Variants in KLF9 observed in about 807,000 individuals in gnomAD.
KLF9 encodes KLF transcription factor 9.
Under a neutral mutation model 17.3 loss-of-function variants are expected in KLF9, and 2 were observed. The observed-to-expected ratio is 0.12, with a 90% confidence interval of 0.05 to 0.36. The LOEUF (loss-of-function observed/expected upper bound fraction) is 0.36, where lower values mean the gene tolerates loss of function less well. Among genes scored for constraint, KLF9 ranks in the 10% least tolerant of loss-of-function variants. The pLI is 1.00. For synonymous variants in KLF9, 138 were observed against 139.2 expected, an observed-to-expected ratio of 0.99 and a Z score of 0.06; for missense variants, 226 against 333.2, an observed-to-expected ratio of 0.68 and a Z score of 2.51.
chr9:70,411,328 C>T (rs1284129944), intron 1 of KLF9, among the ~76,000 whole-genome samples: 1 of 152,178 alleles, frequency 6.6e-6, no homozygotes, highest in African/African-American at 2.4e-5. Context: ...CTGACACAGC[C>T]AGGCCCGCCC....
chr9:70,404,217 T>C (rs1242251147), intron 1 of KLF9, among the ~76,000 whole-genome samples: 1 of 152,226 alleles, frequency 6.6e-6, no homozygotes, highest in South Asian at 2.1e-4. Flanking sequence ...AAATTGTCAT[T>C]ATTATCACTA....
intron 1 of KLF9, among the ~76,000 whole-genome samples, chr9:70,407,429 C>T (rs762620061): frequency 1.3e-5 from 2 of 152,204 alleles, no homozygotes; most frequent in Non-Finnish European, 2.9e-5. Flanking sequence ...ACTTATACCC[C>T]TCCCCTCTCT....
At chr9:70,408,371 A>G (rs1005366793) in intron 1 of KLF9, among the ~76,000 whole-genome samples, 7 of 152,202 alleles carry the variant, frequency 4.6e-5, no homozygotes, top group South Asian at 4.1e-4. Flanking sequence ...TTGTACATCT[A>G]TGTTGGATGA....
In KLF9 at chr9:70,409,014, A is replaced by G. The variant is rs2037277088; in HGVS notation, c.505+3845T>C. On this transcript the variant is annotated intron_variant, in intron 1 of 1. Transcript: ENST00000377126. ...TATATATATGTGTATATATATATAC[A>G]CATATATGTATATATATATATGTGT... is the stretch of plus-strand genomic sequence containing the variant. Among the ~76,000 whole-genome samples, 2 of 33,666 alleles carry G rather than the reference A, an allele frequency of 5.9e-5. 1 individual carries two copies. The highest frequency in any genetic ancestry group is 1.3e-4 in the Non-Finnish European group (2 of 15,266). 22.1% of individuals were successfully genotyped at this position (33,666 alleles called of 152,430 possible).
At position 70,386,963 on chromosome 9, in the gene KLF9, C is replaced by T. The variant is rs2037114217; in HGVS notation, c.*813G>A. The T allele has an allele frequency of 2.0e-5, 3 of 152,600 alleles. No homozygotes were observed. The highest frequency in any genetic ancestry group is 4.8e-5 in the African/African-American group (2 of 41,450). The allele number at this position is 152,600 out of a possible 1,614,324, so 9.5% of individuals were successfully genotyped here. A position where few individuals can be genotyped will look rare whatever the true frequency, so the allele number is the denominator to read the frequency against. On this transcript the variant is annotated 3_prime_UTR_variant, in exon 2 of 2. Transcript: ENST00000377126. ...AAAGCATGTATTTAACTTATTCATC[C>T]TCTGCATTAGAAAATAAAAGTGCAG...
At chr9:70,389,504 G>T (rs763333689) in intron 1 of KLF9, among the ~76,000 whole-genome samples, 4 of 152,134 alleles carry the variant, frequency 2.6e-5, no homozygotes, top group Non-Finnish European at 5.9e-5. Flanking sequence ...GACTCCTGGG[G>T]GTCCTGGGGA....
At chr9:70,410,801 C>T (rs1036032192) in intron 1 of KLF9, among the ~76,000 whole-genome samples, 1 of 152,116 alleles carries the variant, frequency 6.6e-6, no homozygotes. Flanking sequence ...TGCATGAGAC[C>T]TCCAAGTCTC....
At chr9:70,405,625 C>T (rs1354951069) in intron 1 of KLF9, among the ~76,000 whole-genome samples, 1 of 152,168 alleles carries the variant, frequency 6.6e-6, no homozygotes, top group African/African-American at 2.4e-5. Context: ...TTCTTCAATT[C>T]TCATCTCAGG....
At chr9:70,405,124 C>T (rs1254730169) in intron 1 of KLF9, among the ~76,000 whole-genome samples, 2 of 152,182 alleles carry the variant, frequency 1.3e-5, no homozygotes, top group Non-Finnish European at 2.9e-5. Context: ...TTTCTTTGGG[C>T]CAAGATGATC....
At chr9:70,409,092 G>GTC in intron 1 of KLF9, among the ~76,000 whole-genome samples, 1 of 86,032 alleles carries the variant, frequency 1.2e-5, no homozygotes, top group Non-Finnish European at 2.6e-5. Context: ...ACACATATAT[G>GTC]TATATATATG....
intron 1 of KLF9, among the ~76,000 whole-genome samples, chr9:70,398,362 T>C (rs1302633534): frequency 6.6e-6 from 1 of 152,222 alleles, no homozygotes; most frequent in African/African-American, 2.4e-5. Flanking sequence ...CACTTCCTCA[T>C]TTAAGCATGT....
At chr9:70,389,073 G>A (rs1238725676) in intron 1 of KLF9, among the ~76,000 whole-genome samples, 3 of 151,876 alleles carry the variant, frequency 2.0e-5, no homozygotes, top group Non-Finnish European at 2.9e-5. Flanking sequence ...CCCAGGAAGC[G>A]AAGGTTGCAG....
In KLF9 at chr9:70,386,839, T is replaced by A. The variant is rs193270669; in HGVS notation, c.*937A>T. The stretch of plus-strand genomic sequence containing the variant: ...CCTTCAGCATCTGTTGTGTATATTC[T>A]GCCCTCACATCTCTGCCATGATTTC... On this transcript the variant is annotated 3_prime_UTR_variant, in exon 2 of 2. Transcript: ENST00000377126. 1 of 152,688 alleles carries A rather than the reference T, an allele frequency of 6.5e-6. No individual in the cohort carries two copies. 9.5% of individuals were successfully genotyped at this position (152,688 alleles called of 1,614,324 possible). A position where few individuals can be genotyped will look rare whatever the true frequency, so the allele number is the denominator to read the frequency against.
Position 70,387,271 on chromosome 9 carries a change from G to A in KLF9, c.*505C>T, listed in dbSNP as rs577202579. 41 of 157,404 alleles carry A rather than the reference G, an allele frequency of 2.6e-4. 1 individual carries two copies. The highest frequency in any genetic ancestry group is 3.4e-3 in the Middle Eastern group (1 of 296). 9.8% of individuals were successfully genotyped at this position (157,404 alleles called of 1,614,324 possible). A position where few individuals can be genotyped will look rare whatever the true frequency, so the allele number is the denominator to read the frequency against. On this transcript the variant is annotated 3_prime_UTR_variant, in exon 2 of 2. Coordinates refer to ENST00000377126, the MANE Select transcript of KLF9 (RefSeq NM_001206.4). ...TTGCTAAACAAACTGAAGCACACTC[G>A]TCATTACATTAAAAGGTAAGAAAAC... is the stretch of plus-strand genomic sequence containing the variant.
intron 1 of KLF9, among the ~76,000 whole-genome samples, chr9:70,392,711 G>A (rs771429989): frequency 2.0e-5 from 3 of 152,168 alleles, no homozygotes; most frequent in Non-Finnish European, 1.5e-5. Context: ...CTCCACCTTC[G>A]TCTGGCAGCC....
At position 70,387,239 on chromosome 9, in the gene KLF9, A is replaced by T. The variant is rs1227066111; in HGVS notation, c.*537T>A. 1 of 153,904 alleles carries T rather than the reference A, an allele frequency of 6.5e-6. No individual in the cohort carries two copies. The allele number at this position is 153,904 out of a possible 1,614,324, so 9.5% of individuals were successfully genotyped here. A position where few individuals can be genotyped will look rare whatever the true frequency, so the allele number is the denominator to read the frequency against. ...CTCAAAAGTTAACGTGATTCAAGAGAGTGGTTTTGCTAAACAAACTGAAGC... is the reference window on the plus strand; with the variant it reads ...CTCAAAAGTTAACGTGATTCAAGAGTGTGGTTTTGCTAAACAAACTGAAGC... On this transcript the variant is annotated 3_prime_UTR_variant, in exon 2 of 2. Transcript: ENST00000377126.
intron 1 of KLF9, among the ~76,000 whole-genome samples, chr9:70,400,056 C>T (rs1294293460): frequency 6.6e-6 from 1 of 152,148 alleles, no homozygotes; most frequent in Non-Finnish European, 1.5e-5. Context: ...AGACAGCCTT[C>T]GAGACATGCC....
intron 1 of KLF9, among the ~76,000 whole-genome samples, chr9:70,410,133 G>T (rs554861986): frequency 2.0e-5 from 3 of 152,160 alleles, no homozygotes; most frequent in African/African-American, 7.2e-5. Flanking sequence ...AAAATACGAG[G>T]TACTGCCCCA....
chr9:70,407,959 T>G (rs940036450), intron 1 of KLF9, among the ~76,000 whole-genome samples: 6 of 152,164 alleles, frequency 3.9e-5, no homozygotes, highest in Non-Finnish European at 8.8e-5. Context: ...CAGTATCATC[T>G]CCCAGGGGGC....
Sources: gnomAD v4.1 joint callset for allele counts (sites outside exome capture counted in the v4.1 genomes callset) on GRCh38, gnomAD v4.1.1 for gene constraint, MANE v1.5 for transcripts, NCBI Gene and HGNC (gene_info 2026-07-23, HGNC 2026-07-21) for gene names.